The following TOP3A variants were observed in gnomAD, a reference collection of about 807,000 sequenced individuals.
TOP3A encodes the protein DNA topoisomerase III alpha.
In TOP3A, 64 loss-of-function variants were observed where a neutral mutation model predicts 111.3. The ratio of observed to expected loss-of-function variants is 0.57; its 90% confidence interval spans 0.47 to 0.71. The LOEUF is 0.71. TOP3A is among the 30% of genes least tolerant of loss of function. TOP3A has a pLI of 0.00. For synonymous variants in TOP3A, 484 were observed against 485.1 expected (o/e 1.00, Z 0.03); for missense variants, 1,104 against 1,285.0 (o/e 0.86, Z 2.15).
At chr17:18,306,059 G>A (rs905928913) in intron 4 of TOP3A, among the ~76,000 whole-genome samples, 6 of 151,984 alleles carry the variant, frequency 3.9e-5, no homozygotes, top group Admixed American at 6.6e-5. Flanking sequence ...CAAATTAGCC[G>A]GGTGTGGTGG....
At chr17:18,287,236 T>C (rs1333149927) in intron 13 of TOP3A, among the ~76,000 whole-genome samples, 2 of 151,934 alleles carry the variant, frequency 1.3e-5, no homozygotes, top group Non-Finnish European at 2.9e-5. Flanking sequence ...TGTCCCTACA[T>C]AAAACAAAAA....
intron 1 of TOP3A, among the ~76,000 whole-genome samples, chr17:18,311,310 T>A (rs1331665837): frequency 3.3e-5 from 5 of 151,468 alleles, no homozygotes; most frequent in Non-Finnish European, 7.4e-5. Context: ...TAATTTTTTT[T>A]TGAGATGGAG....
intron 10 of TOP3A, 57 bp from the exon 11 acceptor site, chr17:18,292,909 T>C: frequency 2.0e-6 from 3 of 1,512,534 alleles, no homozygotes; most frequent in South Asian, 1.3e-5. Context: ...GATTGGTCTA[T>C]AAACAACTGA....
intron 10 of TOP3A, among the ~76,000 whole-genome samples, chr17:18,293,457 T>C (rs571926993): frequency 3.3e-5 from 5 of 151,974 alleles, no homozygotes; most frequent in Admixed American, 2.0e-4. Flanking sequence ...GGCTAATTTT[T>C]TTTTTTTTTT....
Position 18,278,307 on chromosome 17 carries a change from T to G in TOP3A, c.2195A>C (p.Glu732Ala). Residue 732 changes from glutamate (E) to alanine (A), a missense_variant, in exon 18 of 19, where the codon GAG becomes GCG. Physicochemically the swap from Glu to Ala is moderately radical, Grantham distance 107. Coordinates refer to ENST00000321105, the MANE Select transcript of TOP3A (RefSeq NM_004618.5). ...GCATCCGCCGATGCAGCAAACAAAC[T>G]CCAGAGGCATGGTCGGGGGAAGGCT... ...RGSLPPTMPL[E>A]FVCCIGGCDD... 1 of 1,520,444 alleles carries G rather than the reference T, an allele frequency of 6.6e-7. No homozygotes were observed. Among genetic ancestry groups the G allele is most frequent in the Non-Finnish European group, 8.8e-7 (1 of 1,134,328 alleles). The allele number at this position is 1,520,444 out of a possible 1,614,324, so 94.2% of individuals were successfully genotyped here. A position where few individuals can be genotyped will look rare whatever the true frequency, so the allele number is the denominator to read the frequency against.
chr17:18,302,373 T>C lies in TOP3A; in HGVS notation c.705A>G (p.Ala235=), dbSNP rs890154416. 6.2e-7 allele frequency: 1 copy of C among 1,613,334 alleles called. No homozygotes were observed. Among genetic ancestry groups the C allele is most frequent in the African/African-American group, 1.3e-5 (1 of 74,998 alleles). Residue 235 remains alanine, a synonymous_variant, in exon 7 of 19, where the codon GCA becomes GCG. Transcript: ENST00000321105. The part of the protein sequence containing the change: ...RLQRIFPEVL[A]EQLISYGSCQ... ...AGCTGCCGTAACTGATGAGCTGCTC[T>C]GCCAGCACCTCAGGAAAAATCCTCT... is the stretch of plus-strand genomic sequence containing the variant.
At chr17:18,294,123 G>A (rs1181146555) in intron 10 of TOP3A, among the ~76,000 whole-genome samples, 1 of 152,130 alleles carries the variant, frequency 6.6e-6, no homozygotes, top group African/African-American at 2.4e-5. Context: ...ACTTTTAAAG[G>A]TGCCACCCAC....
chr17:18,284,794 T>C (rs1444124618), intron 15 of TOP3A, among the ~76,000 whole-genome samples: 3 of 151,850 alleles, frequency 2.0e-5, no homozygotes, highest in Admixed American at 2.0e-4. Flanking sequence ...AAAAAAAAGA[T>C]AATTAAAATC....
Position 18,314,855 on chromosome 17 carries a change from G to T in TOP3A, c.-77C>A. The T allele has an allele frequency of 1.7e-6, 2 of 1,193,986 alleles. No individual in the cohort carries two copies. Among genetic ancestry groups the T allele is most frequent in the Non-Finnish European group, 2.2e-6 (2 of 900,954 alleles). The allele number at this position is 1,193,986 out of a possible 1,614,324, so 74.0% of individuals were successfully genotyped here. A position where few individuals can be genotyped will look rare whatever the true frequency, so the allele number is the denominator to read the frequency against. On this transcript the variant is annotated 5_prime_UTR_variant, in exon 1 of 19. Transcript: ENST00000321105. The stretch of plus-strand genomic sequence containing the variant: ...AAGCCAGAGATGAGGCTCAAATGGC[G>T]CCCACCGAAAGGGAACCAGAGCCTC...
chr17:18,286,270 G>A (rs932042151), intron 13 of TOP3A, among the ~76,000 whole-genome samples: 6 of 150,634 alleles, frequency 4.0e-5, no homozygotes, highest in South Asian at 2.1e-4. Flanking sequence ...TTGGGAAGCC[G>A]AAGCGGGCAG....
At chr17:18,289,532 C>T (rs1355189022) in intron 13 of TOP3A, among the ~76,000 whole-genome samples, 2 of 152,208 alleles carry the variant, frequency 1.3e-5, no homozygotes, top group Non-Finnish European at 2.9e-5. Context: ...CCCAGCTCAG[C>T]CTCCTGAAGT....
In TOP3A at chr17:18,310,557, A is replaced by G. The variant is rs1981850636; in HGVS notation, c.181-1616T>C. On this transcript the variant is annotated intron_variant, in intron 1 of 18. Transcript: ENST00000321105. ...TAAGATATGGGTCCACTTATAGGAA[A>G]TGCCCAGAACAGGCAAATCCATGGG... Among the ~76,000 whole-genome samples the G allele has an allele frequency of 2.6e-5, 4 of 152,200 alleles. No homozygotes were observed. In the South Asian group the frequency reaches 8.3e-4, roughly 32 times the overall value.
In TOP3A at chr17:18,299,455, T is replaced by C. The variant is rs1002066799; in HGVS notation, c.990+104A>G. Reference sequence around the variant, plus strand: ...AGTGTTTTCTTGTGTGGCCTGGTGATGGGTGATATTTTCTTCCACCAAGCC... The same window carrying C: ...AGTGTTTTCTTGTGTGGCCTGGTGACGGGTGATATTTTCTTCCACCAAGCC... On this transcript the variant is annotated intron_variant, in intron 9 of 18. Coordinates refer to ENST00000321105, the MANE Select transcript of TOP3A (RefSeq NM_004618.5). 2.0e-5 allele frequency: 19 copies of C among 949,530 alleles called. No homozygotes were observed. In the African/African-American group the frequency reaches 2.9e-4, roughly 14 times the overall value. 58.8% of individuals were successfully genotyped at this position (949,530 alleles called of 1,614,324 possible). A position where few individuals can be genotyped will look rare whatever the true frequency, so the allele number is the denominator to read the frequency against.
chr17:18,306,216 T>C (rs1308146856), intron 4 of TOP3A, among the ~76,000 whole-genome samples: 2 of 152,078 alleles, frequency 1.3e-5, no homozygotes, highest in Non-Finnish European at 2.9e-5. Flanking sequence ...AATAAATAAA[T>C]AAATAAATAA....
At chr17:18,287,357 C>T (rs1050073311) in intron 13 of TOP3A, among the ~76,000 whole-genome samples, 1 of 151,834 alleles carries the variant, frequency 6.6e-6, no homozygotes, top group South Asian at 2.1e-4. Flanking sequence ...AACAGTGAAA[C>T]CCCATCTCTA....
Position 18,278,218 on chromosome 17 carries a change from G to A in TOP3A, c.2284C>T (p.Pro762Ser). ...TGGTTAGCCTGCAGGCGGCCAGAGG[G>A]CTGGCTAGCCCTGGGGGGGCCCCCT... Reference protein sequence around the residue: ...FSGGPPRASQPSGRLQANQSL... With the variant: ...FSGGPPRASQSSGRLQANQSL... Residue 762 changes from proline (P) to serine (S), a missense_variant, in exon 18 of 19, where the codon CCC (proline) becomes TCC (serine). Pro to Ser is a moderately conservative substitution (Grantham distance 74). Coordinates refer to ENST00000321105, the MANE Select transcript of TOP3A (RefSeq NM_004618.5). 1 of 1,601,026 alleles carries A rather than the reference G, an allele frequency of 6.2e-7. No homozygotes were observed.
intron 9 of TOP3A, among the ~76,000 whole-genome samples, chr17:18,297,450 C>CTCCCCACGGTCTCCCTCTCCCTT (rs1555571043): frequency 1.3e-5 from 2 of 151,982 alleles, no homozygotes; most frequent in East Asian, 3.9e-4. Context: ...CCCTCTCCCT[C>CTCCCCACGGTCTCCCTCTCCCTT]TCCCCACGGT....
chr17:18,298,437 TCAGCCCCCCGCC>T (rs1981001349), intron 9 of TOP3A, among the ~76,000 whole-genome samples: 1 of 138,128 alleles, frequency 7.2e-6, no homozygotes, highest in Non-Finnish European at 1.6e-5. Flanking sequence ...GGTGGGGGGG[TCAGCCCCCCGCC>T]CGGCCAGCCG....
At position 18,280,645 on chromosome 17, in the gene TOP3A, A is replaced by T. The variant is rs753275297; in HGVS notation, c.2035T>A (p.Cys679Ser). 1 of 1,614,126 alleles carries T rather than the reference A, an allele frequency of 6.2e-7. No individual in the cohort carries two copies. Among genetic ancestry groups the T allele is most frequent in the Non-Finnish European group, 8.5e-7 (1 of 1,179,962 alleles). Residue 679 changes from cysteine to serine, a missense_variant, in exon 17 of 19, where the codon TGC (cysteine) becomes AGC (serine). Transcript: ENST00000321105. ...TKKNGGFYLS[C>S]MGFPECRSAV... ...GAGCGACACTCTGGGAAACCCATGCAGCTGAGGTAGAACCTGGGGACAAAG... is the reference window on the plus strand; with the variant it reads ...GAGCGACACTCTGGGAAACCCATGCTGCTGAGGTAGAACCTGGGGACAAAG...
Sources: allele counts gnomAD v4.1 joint callset (sites outside exome capture counted in the v4.1 genomes callset), GRCh38; gene constraint gnomAD v4.1.1; transcripts MANE v1.5; gene names NCBI Gene and HGNC (gene_info 2026-07-23, HGNC 2026-07-21).